CPD: variants seen among roughly 807,000 people sequenced by gnomAD.
CPD encodes the protein carboxypeptidase D, also known as metallocarboxypeptidase D.
A neutral mutation model predicts 138.3 loss-of-function variants in CPD; 69 were observed. The observed-to-expected ratio is 0.50, with a 90% CI of 0.41 to 0.61. CPD has a LOEUF of 0.61. CPD is among the 20% of genes least tolerant of loss of function. The pLI is 0.00. For missense variants in CPD, 1,432 were observed against 1,733.3 expected, an observed-to-expected ratio of 0.83 and a Z score of 3.09; for synonymous variants, 651 against 642.1, an observed-to-expected ratio of 1.01 and a Z score of -0.21.
At position 30,443,925 on chromosome 17, in the gene CPD, C is replaced by T; in HGVS notation, c.2497C>T (p.Arg833Cys). Residue 833 changes from arginine (R) to cysteine (C), a missense_variant, in exon 11 of 21, where the codon CGT becomes TGT. Coordinates refer to ENST00000225719, the MANE Select transcript of CPD (RefSeq NM_001304.5). ...TACTTACAAAACTGGAGATTACTGG[C>T]GTCTCTTGGTTCCAGGAACTTATAA... ...VTTYKTGDYW[R>C]LLVPGTYKIT... The T allele has an allele frequency of 1.9e-6, 3 of 1,613,852 alleles. No individual in the cohort carries two copies. Among genetic ancestry groups the T allele is most frequent in the Non-Finnish European group, 2.5e-6 (3 of 1,179,840 alleles).
intron 8 of CPD, among the ~76,000 whole-genome samples, chr17:30,434,224 C>G (rs1198324851): frequency 6.6e-6 from 1 of 152,094 alleles, no homozygotes; most frequent in African/African-American, 2.4e-5. Context: ...TAAAAACTAC[C>G]AAATTTTACA....
intron 2 of CPD, among the ~76,000 whole-genome samples, chr17:30,413,224 C>T (rs1428438205): frequency 3.3e-5 from 5 of 152,068 alleles, no homozygotes; most frequent in East Asian, 1.9e-4. Context: ...AATGAATGCA[C>T]GTGTGTTTAC....
chr17:30,409,952 G>C (rs1159516259), intron 2 of CPD, among the ~76,000 whole-genome samples: 1 of 152,024 alleles, frequency 6.6e-6, no homozygotes, highest in East Asian at 1.9e-4. Context: ...TGATGTTAGG[G>C]TGTCAATTTT....
intron 2 of CPD, among the ~76,000 whole-genome samples, chr17:30,389,305 A>G (rs1052909475): frequency 6.6e-6 from 1 of 152,234 alleles, no homozygotes; most frequent in Non-Finnish European, 1.5e-5. Flanking sequence ...AGAAGCATTC[A>G]AAAAGAGGTT....
chr17:30,410,725 T>C (rs1253725650), intron 2 of CPD, among the ~76,000 whole-genome samples: 1 of 152,198 alleles, frequency 6.6e-6, no homozygotes, highest in Non-Finnish European at 1.5e-5. Context: ...TCTTCCTCCA[T>C]CCCTTTATTT....
chr17:30,445,734 G>A lies in CPD; in HGVS notation c.2587G>A (p.Ala863Thr), dbSNP rs774305316. The A allele has an allele frequency of 1.9e-5, 31 of 1,612,952 alleles. No homozygotes were observed. Among genetic ancestry groups the A allele is most frequent in the East Asian group, 1.8e-4 (8 of 44,828 alleles). The stretch of plus-strand genomic sequence containing the variant: ...GAATGTGACTGTCAAGAGTGAAGGC[G>A]CTATTCAGGTCAACTTCACACTTGT... The part of the protein sequence containing the change: ...TKNVTVKSEG[A>T]IQVNFTLVRS... Residue 863 changes from alanine to threonine, a missense_variant, in exon 12 of 21, where the codon GCT (alanine) becomes ACT (threonine). By Grantham distance (58) the Ala-to-Thr change is moderately conservative. Coordinates refer to ENST00000225719, the MANE Select transcript of CPD (RefSeq NM_001304.5).
At chr17:30,408,408 T>G (rs1008628354) in intron 2 of CPD, among the ~76,000 whole-genome samples, 5 of 152,230 alleles carry the variant, frequency 3.3e-5, no homozygotes, top group Non-Finnish European at 7.3e-5. Context: ...AGTATGGCCA[T>G]TTTCACGATA....
At chr17:30,394,755 C>G (rs974189673) in intron 2 of CPD, among the ~76,000 whole-genome samples, 1 of 152,036 alleles carries the variant, frequency 6.6e-6, no homozygotes, top group Non-Finnish European at 1.5e-5. Flanking sequence ...AATTGACCAT[C>G]GTTTAAATAG....
chr17:30,433,200 A>G (rs547514235), intron 8 of CPD, among the ~76,000 whole-genome samples: 121 of 152,142 alleles, frequency 8.0e-4, no homozygotes, highest in Non-Finnish European at 1.2e-3. Flanking sequence ...TTCACCTTAG[A>G]GAATTATTGC....
At chr17:30,394,115 C>G (rs1567866687) in intron 2 of CPD, among the ~76,000 whole-genome samples, 1 of 98,078 alleles carries the variant, frequency 1.0e-5, no homozygotes. Flanking sequence ...TGCACTCCAG[C>G]CTTTTTTTTT....
intron 2 of CPD, among the ~76,000 whole-genome samples, chr17:30,406,969 C>T (rs756500500): frequency 1.3e-5 from 2 of 152,114 alleles, no homozygotes; most frequent in Admixed American, 6.6e-5. Context: ...CCCCCAGTAC[C>T]CCACCCGCCT....
At chr17:30,455,176 T>G in intron 14 of CPD, 163 bp from the exon 15 acceptor site, 1 of 609,652 alleles carries the variant, frequency 1.6e-6, no homozygotes. Context: ...CCTTCTGTAA[T>G]GTATCTTTCT....
At chr17:30,403,016 G>T (rs1025007751) in intron 2 of CPD, among the ~76,000 whole-genome samples, 19 of 152,166 alleles carry the variant, frequency 1.2e-4, no homozygotes, top group African/African-American at 4.6e-4. Context: ...TGAGGCAGGA[G>T]AATCGCTTTA....
chr17:30,414,452 G>A (rs189994187), intron 2 of CPD, among the ~76,000 whole-genome samples: 101 of 152,050 alleles, frequency 6.6e-4, no homozygotes, highest in African/African-American at 2.3e-3. Context: ...GCACGGTGGC[G>A]GGCGCCTGTA....
chr17:30,423,103 G>A, intron 5 of CPD, 80 bp downstream of exon 5: 1 of 1,111,068 alleles, frequency 9.0e-7, no homozygotes, highest in Non-Finnish European at 1.3e-6. Context: ...CATTCAGAAA[G>A]GTCGCCTACA....
rs768448505 is a variant in CPD, at chr17:30,421,657, T to G, written c.1138-7T>G. The G allele has an allele frequency of 1.9e-6, 3 of 1,613,192 alleles. No homozygotes were observed. Among genetic ancestry groups the G allele is most frequent in the Non-Finnish European group, 2.5e-6 (3 of 1,179,538 alleles). ...CCGTCTCTGAGCTTGGATTCTTGTC[T>G]TCTTAGGTTCACATTGGAGTGAAAG... On this transcript the variant is annotated splice_region_variant and splice_polypyrimidine_tract_variant and intron_variant, in intron 3 of 20. Transcript: ENST00000225719.
intron 2 of CPD, among the ~76,000 whole-genome samples, chr17:30,393,791 G>A (rs1163874783): frequency 2.6e-5 from 4 of 152,156 alleles, no homozygotes; most frequent in East Asian, 1.9e-4. Context: ...TTCTGTTAGC[G>A]CTTGTGTTAC....
chr17:30,402,673 T>G (rs1911705179), intron 2 of CPD, among the ~76,000 whole-genome samples: 1 of 152,222 alleles, frequency 6.6e-6, no homozygotes, highest in South Asian at 2.1e-4. Context: ...CACATTGGAG[T>G]TGGTGTCTGT....
intron 6 of CPD, among the ~76,000 whole-genome samples, chr17:30,426,509 T>A (rs1319416640): frequency 6.6e-6 from 1 of 152,246 alleles, no homozygotes; most frequent in Non-Finnish European, 1.5e-5. Flanking sequence ...CAGGACCAGC[T>A]GAGTTACAAC....
Sources: gnomAD v4.1 joint callset for allele counts (sites outside exome capture counted in the v4.1 genomes callset) on GRCh38, gnomAD v4.1.1 for gene constraint, MANE v1.5 for transcripts, NCBI Gene and HGNC (gene_info 2026-07-23, HGNC 2026-07-21) for gene names.